NBEA: variants seen among roughly 807,000 people sequenced by gnomAD.
NBEA encodes lysosomal-trafficking regulator 2.
A neutral mutation model predicts 343.4 loss-of-function variants in NBEA; 44 were observed. That is an observed-to-expected ratio of 0.13 (90% CI 0.10 to 0.16). The LOEUF is 0.16. Among genes scored for constraint, NBEA ranks in the 10% least tolerant of loss-of-function variants. The probability of loss-of-function intolerance (pLI) is 1.00; values close to 1 mark genes in which losing one functional copy is unlikely to be tolerated. For synonymous variants in NBEA, 1,175 were observed against 1,238.7 expected (o/e 0.95, Z 1.08); for missense variants, 2,555 against 3,631.3 (o/e 0.70, Z 7.62).
intron 1 of NBEA, among the ~76,000 whole-genome samples, chr13:35,036,967 G>T (rs930166625): frequency 1.3e-5 from 2 of 151,906 alleles, no homozygotes; most frequent in Non-Finnish European, 2.9e-5. Context: ...GTTATTTGAA[G>T]GTTTACTCAG....
chr13:35,293,317 T>C lies in NBEA; in HGVS notation c.5838+2867T>C, dbSNP rs920280585. Among the ~76,000 whole-genome samples, 14 of 152,196 alleles carry C rather than the reference T, an allele frequency of 9.2e-5. No individual in the cohort carries two copies. The South Asian group carries it at 2.9e-3, about 32-fold the overall frequency. On this transcript the variant is annotated intron_variant, in intron 35 of 58. Transcript: ENST00000379939. ...GAAGAAGCTGTTAATATTATCATTC[T>C]GATATATTTATCATTCCACAAATAC...
chr13:35,283,464 TG>T (rs1566564353), intron 34 of NBEA, among the ~76,000 whole-genome samples: 7 of 152,162 alleles, frequency 4.6e-5, no homozygotes, highest in African/African-American at 1.7e-4. Flanking sequence ...CGTAGGGAAA[TG>T]TGTAATATCA....
chr13:35,598,007 G>A (rs1400117386), intron 47 of NBEA, among the ~76,000 whole-genome samples: 1 of 152,154 alleles, frequency 6.6e-6, no homozygotes, highest in Non-Finnish European at 1.5e-5. Context: ...CCTCTTACAT[G>A]TAAAATATAC....
rs145726884 is a variant in NBEA, at chr13:35,477,233, A to G, written c.6585+4697A>G. The G allele has an allele frequency of 3.0e-4, 50 of 166,604 alleles. 1 individual carries two copies. The highest frequency in any genetic ancestry group is 1.1e-3 in the African/African-American group (46 of 41,558). The allele number at this position is 166,604 out of a possible 1,614,324, so 10.3% of individuals were successfully genotyped here. A position where few individuals can be genotyped will look rare whatever the true frequency, so the allele number is the denominator to read the frequency against. On this transcript the variant is annotated intron_variant, in intron 41 of 58. Transcript: ENST00000379939. ...TAATTTTCTCATTCTGGATGTTCCT[A>G]TATGTTAAAATGATTTTTTGAAACG...
rs111583222 is a variant in NBEA, at chr13:35,208,684, C to T, written c.5367-16C>T. 6.9e-4 allele frequency: 1,051 copies of T among 1,530,612 alleles called. 8 individuals carry two copies. The African/African-American group carries it at 0.013, about 19-fold the overall frequency. The allele number at this position is 1,530,612 out of a possible 1,614,324, so 94.8% of individuals were successfully genotyped here. ...AACCTCATGTTTGTTATTTTCAATC[C>T]TTCATTTCTTTGCAGGAGTGTTGTG... On this transcript the variant is annotated splice_polypyrimidine_tract_variant and intron_variant, in intron 31 of 58. Transcript: ENST00000379939.
chr13:35,563,416 ATAAT>A (rs2079975349), intron 44 of NBEA, among the ~76,000 whole-genome samples: 1 of 151,950 alleles, frequency 6.6e-6, no homozygotes, highest in Non-Finnish European at 1.5e-5. Context: ...GTTCAGTAAA[ATAAT>A]TAAAGGAGTA....
chr13:35,099,886 C>T (rs1389292952), intron 11 of NBEA, among the ~76,000 whole-genome samples: 1 of 152,046 alleles, frequency 6.6e-6, no homozygotes, highest in African/African-American at 2.4e-5. Context: ...AGTGGGATTT[C>T]ATGAATAAGC....
intron 38 of NBEA, among the ~76,000 whole-genome samples, chr13:35,358,456 C>T (rs1191168538): frequency 1.3e-5 from 2 of 152,032 alleles, no homozygotes; most frequent in Non-Finnish European, 2.9e-5. Context: ...GTGGCTCAAA[C>T]CTGTAATCCC....
intron 1 of NBEA, among the ~76,000 whole-genome samples, chr13:34,972,449 T>C (rs919460540): frequency 2.0e-5 from 3 of 152,168 alleles, no homozygotes; most frequent in African/African-American, 7.2e-5. Flanking sequence ...CTCTAATTTT[T>C]TAATATAGGC....
intron 39 of NBEA, among the ~76,000 whole-genome samples, chr13:35,440,537 A>T (rs1288287171): frequency 6.6e-6 from 1 of 152,206 alleles, no homozygotes; most frequent in African/African-American, 2.4e-5. Context: ...TTCCCAAGCC[A>T]ATGAGTGGGA....
rs564394163 is a variant in NBEA at position 35,353,436 on chromosome 13, A to G, written c.6179+1113A>G. Among the ~76,000 whole-genome samples, 7 of 151,508 alleles carry G rather than the reference A, an allele frequency of 4.6e-5. No homozygotes were observed. The South Asian group carries it at 8.3e-4, about 18-fold the overall frequency. On this transcript the variant is annotated intron_variant, in intron 38 of 58. Coordinates refer to ENST00000379939, the MANE Select transcript of NBEA (RefSeq NM_001385012.1). ...GGTGACAGAGTGAGACTTTGTCTCA[A>G]AAAAAAAAGATTCTGTTAGAGAAAA... is the stretch of plus-strand genomic sequence containing the variant.
At chr13:35,269,747 ATGTT>A (rs1405494759) in intron 34 of NBEA, among the ~76,000 whole-genome samples, 4 of 152,184 alleles carry the variant, frequency 2.6e-5, no homozygotes, top group African/African-American at 9.7e-5. Context: ...AGGGAAAGCT[ATGTT>A]TGTTTGGATA....
chr13:35,159,746 G>T lies in NBEA; in HGVS notation c.3575G>T (p.Gly1192Val). ...CTTGGATTGCTTGCTCACATGACCG[G>T]TAGCGTAGACTTAACTTGTACATCC... ...DDLGLLAHMT[G>V]SVDLTCTSSI... The change falls in exon 22 of 59, where the codon GGT becomes GTT. Residue 1192 changes from glycine (G) to valine (V), a missense_variant. Physicochemically the swap from Gly to Val is moderately radical, Grantham distance 109. Transcript: ENST00000379939. The T allele has an allele frequency of 6.2e-7, 1 of 1,613,198 alleles. No individual in the cohort carries two copies. Among genetic ancestry groups the T allele is most frequent in the Non-Finnish European group, 8.5e-7 (1 of 1,179,608 alleles).
At chr13:35,616,374 T>C (rs1220445033) in intron 48 of NBEA, among the ~76,000 whole-genome samples, 1 of 152,240 alleles carries the variant, frequency 6.6e-6, no homozygotes, top group Non-Finnish European at 1.5e-5. Flanking sequence ...GAATATCCTG[T>C]TTGTTATTTG....
At chr13:35,191,415 G>A (rs542263265) in intron 30 of NBEA, among the ~76,000 whole-genome samples, 35 of 152,092 alleles carry the variant, frequency 2.3e-4, no homozygotes, top group East Asian at 1.2e-3. Context: ...TCTTATGGGC[G>A]TATAAGTTAG....
intron 38 of NBEA, among the ~76,000 whole-genome samples, chr13:35,389,708 T>C (rs764473356): frequency 3.3e-5 from 5 of 152,144 alleles, no homozygotes; most frequent in Non-Finnish European, 7.4e-5. Flanking sequence ...ATTATAATTA[T>C]CAAGAGATTA....
chr13:35,451,424 C>A (rs1233372388), intron 39 of NBEA, among the ~76,000 whole-genome samples: 4 of 152,158 alleles, frequency 2.6e-5, no homozygotes, highest in African/African-American at 4.8e-5. Flanking sequence ...GCCCAACCAG[C>A]TTTTTGTGTT....
chr13:35,259,317 A>G (rs2032986911), intron 34 of NBEA, among the ~76,000 whole-genome samples: 1 of 152,178 alleles, frequency 6.6e-6, no homozygotes, highest in Non-Finnish European at 1.5e-5. Flanking sequence ...TGCAGAAAGC[A>G]TTTATCTTCC....
rs12585695 is a variant in NBEA at position 35,532,426 on chromosome 13, A to G, written c.6586-18051A>G. Reference sequence around the variant, plus strand: ...CATATATATTCAAAGAGCCTTTTAAATATTTTGAAATATAATGTTGAACAT... The same window carrying G: ...CATATATATTCAAAGAGCCTTTTAAGTATTTTGAAATATAATGTTGAACAT... On this transcript the variant is annotated intron_variant, in intron 41 of 58. Coordinates refer to ENST00000379939, the MANE Select transcript of NBEA (RefSeq NM_001385012.1). 7.3e-3 allele frequency among the ~76,000 whole-genome samples: 1,112 copies of G among 152,268 alleles called. 19 individuals are homozygous for G. Among genetic ancestry groups the G allele is most frequent in the East Asian group, 0.064 (333 of 5,186 alleles).
Sources: gnomAD v4.1 joint callset for allele counts (sites outside exome capture counted in the v4.1 genomes callset) on GRCh38, gnomAD v4.1.1 for gene constraint, MANE v1.5 for transcripts, NCBI Gene and HGNC (gene_info 2026-07-23, HGNC 2026-07-21) for gene names.